RYK: variants seen among roughly 807,000 people sequenced by gnomAD.
RYK encodes inactive tyrosine-protein kinase RYK.
A neutral mutation model predicts 70.2 loss-of-function variants in RYK; 21 were observed. That is an observed-to-expected ratio of 0.30 (90% CI 0.21 to 0.43). The LOEUF (loss-of-function observed/expected upper bound fraction) is 0.43. RYK is among the 20% of genes least tolerant of loss of function. RYK has a pLI of 1.00. For synonymous variants in RYK, 267 were observed against 278.0 expected, an observed-to-expected ratio of 0.96 and a Z score of 0.39; for missense variants, 604 against 753.3, an observed-to-expected ratio of 0.80 and a Z score of 2.32.
At chr3:134,201,188 C>T (rs1483743742) in intron 6 of RYK, among the ~76,000 whole-genome samples, 3 of 152,212 alleles carry the variant, frequency 2.0e-5, no homozygotes, top group Admixed American at 2.0e-4. Flanking sequence ...CCTAACTTCA[C>T]CACCATCATG....
intron 1 of RYK, among the ~76,000 whole-genome samples, chr3:134,235,680 G>A (rs186674354): frequency 6.6e-5 from 10 of 152,160 alleles, no homozygotes; most frequent in African/African-American, 2.2e-4. Context: ...TTTCAAATAC[G>A]ACAACAGCAA....
At chr3:134,188,175 T>A (rs1457586348) in intron 9 of RYK, among the ~76,000 whole-genome samples, 4 of 148,140 alleles carry the variant, frequency 2.7e-5, no homozygotes, top group African/African-American at 9.8e-5. Context: ...ATATTTTTTT[T>A]TTTTTTTGAG....
chr3:134,237,065 A>C (rs920531739), intron 1 of RYK, among the ~76,000 whole-genome samples: 18 of 152,188 alleles, frequency 1.2e-4, no homozygotes, highest in African/African-American at 4.3e-4. Flanking sequence ...AAGCTAAAAA[A>C]CCAAAGTTAT....
rs534157722 is a variant in RYK, at chr3:134,171,815, T to G, written c.1575+3794A>C. 6.7e-4 allele frequency among the ~76,000 whole-genome samples: 102 copies of G among 151,770 alleles called. 1 individual carries two copies. The highest frequency in any genetic ancestry group is 1.2e-4 in the Non-Finnish European group (8 of 67,966). On this transcript the variant is annotated intron_variant, in intron 13 of 14. Coordinates refer to ENST00000623711, the MANE Select transcript of RYK (RefSeq NM_002958.4). ...CCAGGAGTACAAGGCTACACTGAGC[T>G]ATGACTGTACCACTGCACTCCCACC...
rs74326093 is a variant in RYK at position 134,159,442 on chromosome 3, C to T, written c.1576-69G>A. 134 of 1,439,922 alleles carry T rather than the reference C, an allele frequency of 9.3e-5. No homozygotes were observed. In the African/African-American group the frequency reaches 1.8e-3, roughly 19 times the overall value. The allele number at this position is 1,439,922 out of a possible 1,614,324, so 89.2% of individuals were successfully genotyped here. On this transcript the variant is annotated intron_variant, in intron 13 of 14. Coordinates refer to ENST00000623711, the MANE Select transcript of RYK (RefSeq NM_002958.4). The stretch of plus-strand genomic sequence containing the variant: ...CAGTCAGGGGGCTAGCGCCCACAGC[C>T]AGCTACAGGACAAAAAATAACAGCT...
chr3:134,249,466 G>C (rs1298357278), intron 1 of RYK, among the ~76,000 whole-genome samples: 1 of 152,072 alleles, frequency 6.6e-6, no homozygotes, highest in African/African-American at 2.4e-5. Context: ...ATGAAATAAA[G>C]ATACTGCCAT....
chr3:134,197,506 CTAATT>C (rs1404043714), intron 6 of RYK, among the ~76,000 whole-genome samples: 1 of 152,088 alleles, frequency 6.6e-6, no homozygotes, highest in Non-Finnish European at 1.5e-5. Flanking sequence ...ATTATTGTTA[CTAATT>C]TATAGTATAC....
intron 11 of RYK, among the ~76,000 whole-genome samples, 182 bp downstream of exon 11, chr3:134,177,759 G>C (rs1052951805): frequency 6.6e-6 from 1 of 152,152 alleles, no homozygotes; most frequent in African/African-American, 2.4e-5. Context: ...TAAGCCTCAA[G>C]GCAGGAACAT....
chr3:134,186,608 G>C (rs1257700766), intron 9 of RYK, among the ~76,000 whole-genome samples: 1 of 152,168 alleles, frequency 6.6e-6, no homozygotes, highest in Non-Finnish European at 1.5e-5. Flanking sequence ...AGCTCACAGA[G>C]AACATTATAA....
intron 8 of RYK, 122 bp from the exon 9 acceptor site, chr3:134,189,045 T>C: frequency 1.8e-6 from 1 of 557,842 alleles, no homozygotes; most frequent in South Asian, 2.8e-5. Flanking sequence ...AACATTACTG[T>C]AGCCCTAGAG....
chr3:134,250,792 G>A lies in RYK; in HGVS notation c.-138C>T. ...CACCGCCGGCCCGTGGCAGCCAGCAGTGGCTTCAGACCTCCGGAGCGCGCC... is the reference window on the plus strand; with the variant it reads ...CACCGCCGGCCCGTGGCAGCCAGCAATGGCTTCAGACCTCCGGAGCGCGCC... On this transcript the variant is annotated 5_prime_UTR_variant, in exon 1 of 15. Coordinates refer to ENST00000623711, the MANE Select transcript of RYK (RefSeq NM_002958.4). The A allele has an allele frequency of 4.4e-6, 1 of 229,054 alleles. No individual in the cohort carries two copies. The highest frequency in any genetic ancestry group is 7.0e-6 in the Non-Finnish European group (1 of 142,098). 14.2% of individuals were successfully genotyped at this position (229,054 alleles called of 1,614,324 possible).
chr3:134,183,212 C>A, intron 9 of RYK, 141 bp from the exon 10 acceptor site: 1 of 442,226 alleles, frequency 2.3e-6, no homozygotes, highest in Non-Finnish European at 3.9e-6. Context: ...CTAAATAGAT[C>A]TAGATAAAAA....
chr3:134,215,763 C>T (rs1455495596), intron 2 of RYK, among the ~76,000 whole-genome samples: 1 of 152,086 alleles, frequency 6.6e-6, no homozygotes, highest in East Asian at 1.9e-4. Context: ...ACAGGCTAGG[C>T]GTGGTGGCTC....
At chr3:134,249,465 A>T (rs2015549270) in intron 1 of RYK, among the ~76,000 whole-genome samples, 3 of 152,196 alleles carry the variant, frequency 2.0e-5, no homozygotes, top group Non-Finnish European at 2.9e-5. Context: ...GATGAAATAA[A>T]GATACTGCCA....
intron 13 of RYK, among the ~76,000 whole-genome samples, chr3:134,163,545 AG>A (rs2012553198): frequency 6.6e-6 from 1 of 152,224 alleles, no homozygotes; most frequent in African/African-American, 2.4e-5. Flanking sequence ...GATGTAAAAC[AG>A]TTTTTCCACT....
intron 4 of RYK, 58 bp downstream of exon 4, chr3:134,209,635 ACT>A (rs901333763): frequency 1.4e-5 from 17 of 1,229,400 alleles, no homozygotes; most frequent in Non-Finnish European, 1.7e-5. Flanking sequence ...AAAACAACAA[ACT>A]CTATTTTTCA....
chr3:134,231,362 T>C (rs943134830), intron 1 of RYK, among the ~76,000 whole-genome samples: 3 of 152,160 alleles, frequency 2.0e-5, no homozygotes, highest in African/African-American at 7.2e-5. Context: ...TCTCCCCAAA[T>C]TGCTCAAGGT....
At chr3:134,206,787 G>T (rs1389798455) in intron 5 of RYK, among the ~76,000 whole-genome samples, 1 of 152,134 alleles carries the variant, frequency 6.6e-6, no homozygotes, top group South Asian at 2.1e-4. Flanking sequence ...CAATGGCAAA[G>T]TGTTGATCAT....
rs1463444245 is a variant in RYK at position 134,157,390 on chromosome 3, T to C, written c.*763A>G. 3 of 152,220 alleles carry C rather than the reference T, an allele frequency of 2.0e-5. No homozygotes were observed. The highest frequency in any genetic ancestry group is 4.8e-5 in the African/African-American group (2 of 41,454). The allele number at this position is 152,220 out of a possible 1,614,324, so 9.4% of individuals were successfully genotyped here. ...AGAGTAAAAATAAATAAAATCACCA[T>C]TGTTTACTACAGATCTGCCCCAAAC... On this transcript the variant is annotated 3_prime_UTR_variant, in exon 15 of 15. Coordinates refer to ENST00000623711, the MANE Select transcript of RYK (RefSeq NM_002958.4).
Sources: gnomAD v4.1 joint callset for allele counts (sites outside exome capture counted in the v4.1 genomes callset) on GRCh38, gnomAD v4.1.1 for gene constraint, MANE v1.5 for transcripts, NCBI Gene and HGNC (gene_info 2026-07-23, HGNC 2026-07-21) for gene names.